The following DOK7 variants were observed in gnomAD, a reference collection of about 807,000 sequenced individuals.
DOK7 encodes the protein docking protein 7.
In DOK7, 32 loss-of-function variants were observed where a neutral mutation model predicts 30.7. That is an observed-to-expected ratio of 1.04 (90% confidence interval 0.79 to 1.40). The LOEUF (loss-of-function observed/expected upper bound fraction) is 1.40, where lower values mean the gene tolerates loss of function less well. Ranked by LOEUF, DOK7 falls within the 40% of genes most tolerant of loss-of-function variation. DOK7 has a pLI of 0.00. For missense variants in DOK7, 1,007 were observed against 699.2 expected (o/e 1.44, Z -4.97); for synonymous variants, 447 against 324.1 (o/e 1.38, Z -4.07).
rs867936723 is a variant in DOK7, at chr4:3,500,400, C to T, written c.1258C>T (p.Arg420Ter). 2.0e-5 allele frequency: 31 copies of T among 1,535,672 alleles called. No homozygotes were observed. The highest frequency in any genetic ancestry group is 1.3e-4 in the South Asian group (11 of 84,062). Residue 420 changes from arginine (R) to a stop codon, truncating the protein, a stop_gained, in exon 7 of 8, where the codon CGA becomes TGA. Coordinates refer to the DOK7 transcript ENST00000643608. LOFTEE classifies it low-confidence loss of function (END_TRUNC). ...GCTCCAGGAGGCCAGCGAGGGTGTC[C>T]GAGGTGGGTCCCCGCCCTGCGTGGA...
chr4:3,494,332 G>A lies in DOK7; in HGVS notation c.*831G>A, dbSNP rs963370206. The A allele has an allele frequency of 8.4e-5, 83 of 985,638 alleles. No homozygotes were observed. The highest frequency in any genetic ancestry group is 9.9e-5 in the Non-Finnish European group (82 of 830,192). 61.1% of individuals were successfully genotyped at this position (985,638 alleles called of 1,614,324 possible). A position where few individuals can be genotyped will look rare whatever the true frequency, so the allele number is the denominator to read the frequency against. ...GGCTGTGTTGGGCCCATTGTCCCCCGCCCTGGGTGGCTTCCTCTTGCACAG... is the reference window on the plus strand; with the variant it reads ...GGCTGTGTTGGGCCCATTGTCCCCCACCCTGGGTGGCTTCCTCTTGCACAG... On this transcript the variant is annotated 3_prime_UTR_variant, in exon 7 of 7. Coordinates refer to ENST00000340083, the MANE Select transcript of DOK7 (RefSeq NM_173660.5).
intron 2 of DOK7, among the ~76,000 whole-genome samples, chr4:3,468,877 A>G (rs36205397): frequency 0.56 from 80,469 of 144,462 alleles, 23,739 homozygotes; most frequent in African/African-American, 0.8. Flanking sequence ...ATGCCTGTGT[A>G]CGAGTGTGCC....
At chr4:3,482,803 T>C (rs1727512837) in intron 4 of DOK7, among the ~76,000 whole-genome samples, 1 of 152,148 alleles carries the variant, frequency 6.6e-6, no homozygotes, top group Admixed American at 6.5e-5. Context: ...GGCCGAGCAC[T>C]GGGGGTCTCC....
chr4:3,489,867 C>A, intron 6 of DOK7, 71 bp downstream of exon 6: 2 of 1,533,980 alleles, frequency 1.3e-6, no homozygotes, highest in Non-Finnish European at 1.8e-6. Context: ...AGGAGGCATC[C>A]ATGCATGTGT....
At chr4:3,475,131 G>A (rs905657622) in intron 3 of DOK7, among the ~76,000 whole-genome samples, 1 of 152,176 alleles carries the variant, frequency 6.6e-6, no homozygotes, top group African/African-American at 2.4e-5. Context: ...GAGGAGGTGC[G>A]GTTGGCTCTG....
At chr4:3,469,113 T>C (rs1345127722) in intron 2 of DOK7, among the ~76,000 whole-genome samples, 2 of 150,438 alleles carry the variant, frequency 1.3e-5, no homozygotes, top group Admixed American at 6.6e-5. Context: ...CGTGCATGTA[T>C]GTGTGCACAC....
downstream of DOK7, among the ~76,000 whole-genome samples, chr4:3,498,819 G>A (rs918631821): frequency 2.6e-5 from 4 of 152,128 alleles, no homozygotes; most frequent in Admixed American, 2.6e-4. Flanking sequence ...ATTTGCAGGA[G>A]GGGGGTCTCC....
chr4:3,478,429 C>T (rs74599734), intron 4 of DOK7, among the ~76,000 whole-genome samples: 11,277 of 152,266 alleles, frequency 0.074, 816 homozygotes, highest in African/African-American at 0.18. Flanking sequence ...CTTGTGGGGC[C>T]GTCTGTCTTG....
In DOK7 at chr4:3,493,795, T is replaced by C. The variant is rs1728716423; in HGVS notation, c.*294T>C. 3 of 1,337,328 alleles carry C rather than the reference T, an allele frequency of 2.2e-6. No homozygotes were observed. Among genetic ancestry groups the C allele is most frequent in the African/African-American group, 1.5e-5 (1 of 66,744 alleles). 82.8% of individuals were successfully genotyped at this position (1,337,328 alleles called of 1,614,324 possible). On this transcript the variant is annotated 3_prime_UTR_variant, in exon 7 of 7. Transcript: ENST00000340083. ...CCCCCACCCCTGAGGATCAGGTGAG[T>C]GCTGCACCTCTGTTGGCTCGTGCCT...
At chr4:3,500,525 C>A in intron 7 of DOK7, 2 of 1,468,360 alleles carry the variant, frequency 1.4e-6, no homozygotes, top group Non-Finnish European at 1.8e-6. Context: ...CAGCCTCCCC[C>A]CAGGAGGCAA....
intron 4 of DOK7, among the ~76,000 whole-genome samples, chr4:3,477,430 C>T (rs905352672): frequency 6.6e-6 from 1 of 152,228 alleles, no homozygotes; most frequent in African/African-American, 2.4e-5. Context: ...GAAACGCAGG[C>T]AAGGACACGG....
At chr4:3,494,666 C>T (rs571423053), downstream of DOK7, among the ~76,000 whole-genome samples, 984 of 117,344 alleles carry the variant, frequency 8.4e-3, 7 homozygotes, top group Non-Finnish European at 0.011. Flanking sequence ...AGAGGCAGCT[C>T]CGGGCAGCCC....
chr4:3,469,938 T>C (rs912818231), intron 2 of DOK7, among the ~76,000 whole-genome samples: 14 of 152,202 alleles, frequency 9.2e-5, no homozygotes, highest in Admixed American at 6.5e-5. Context: ...CGGCTTCTGT[T>C]CATGTTTGAA....
chr4:3,496,798 A>T, downstream of DOK7: 1 of 1,534,588 alleles, frequency 6.5e-7, no homozygotes, highest in Non-Finnish European at 8.7e-7. Context: ...GGATGCACTG[A>T]CCCAGGTTCT....
chr4:3,472,052 T>G (rs865898218), intron 2 of DOK7, among the ~76,000 whole-genome samples: 4 of 152,260 alleles, frequency 2.6e-5, no homozygotes, highest in African/African-American at 9.6e-5. Flanking sequence ...GCAGAGCCTG[T>G]GTGGCCCTGA....
chr4:3,489,910 A>G (rs929805764), intron 6 of DOK7, 114 bp downstream of exon 6: 1 of 1,446,548 alleles, frequency 6.9e-7, no homozygotes. Flanking sequence ...TCATTCATTC[A>G]TTCCTTCTGT....
At chr4:3,482,376 C>T (rs924794302) in intron 4 of DOK7, among the ~76,000 whole-genome samples, 7 of 152,250 alleles carry the variant, frequency 4.6e-5, no homozygotes, top group African/African-American at 1.2e-4. Flanking sequence ...AGCACTGTGC[C>T]GGCTGTTGGC....
chr4:3,464,647 G>C (rs73792097), intron 2 of DOK7, among the ~76,000 whole-genome samples: 1,950 of 152,336 alleles, frequency 0.013, 50 homozygotes, highest in African/African-American at 0.045. Flanking sequence ...GGCAGGTGAT[G>C]CTTGGTGGAT....
rs1728633687 is a variant in DOK7 at position 3,493,145 on chromosome 4, ACCTG to A, written c.1166_1169del (p.Leu389ProfsTer66). 1 of 1,602,436 alleles carries A rather than the reference ACCTG, an allele frequency of 6.2e-7. No individual in the cohort carries two copies. The highest frequency in any genetic ancestry group is 8.5e-7 in the Non-Finnish European group (1 of 1,176,328). On this transcript the variant is annotated frameshift_variant, in exon 7 of 7. Coordinates refer to ENST00000340083, the MANE Select transcript of DOK7 (RefSeq NM_173660.5). LOFTEE classifies it low-confidence loss of function (END_TRUNC). ...GGGGGCCCCCGAGCCCAGCCTGTGCACCTGCCTGCCCGGGACAGTCGAGTACCAG... is the reference window on the plus strand; with the variant it reads ...GGGGGCCCCCGAGCCCAGCCTGTGCACCTGCCCGGGACAGTCGAGTACCAG...
Sources: gnomAD v4.1 joint callset for allele counts (sites outside exome capture counted in the v4.1 genomes callset) on GRCh38, gnomAD v4.1.1 for gene constraint, MANE v1.5 for transcripts, NCBI Gene and HGNC (gene_info 2026-07-23, HGNC 2026-07-21) for gene names.